SNX29: variants seen among roughly 807,000 people sequenced by gnomAD.
SNX29 encodes the protein sorting nexin 29, also known as sorting nexin-29.
Under a neutral mutation model 102.1 loss-of-function variants are expected in SNX29, and 78 were observed. That is an observed-to-expected ratio of 0.76 (90% confidence interval 0.64 to 0.92). The LOEUF (loss-of-function observed/expected upper bound fraction) is 0.92. SNX29 is among the 40% of genes least tolerant of loss of function. SNX29 has a pLI of 0.00. For synonymous variants in SNX29, 580 were observed against 414.5 expected (o/e 1.40, Z -4.85); for missense variants, 1,280 against 1,061.7 (o/e 1.21, Z -2.86).
At chr16:12,512,172 A>G (rs1451875704) in intron 19 of SNX29, among the ~76,000 whole-genome samples, 1 of 151,064 alleles carries the variant, frequency 6.6e-6, no homozygotes. Context: ...AGGCATTTGC[A>G]TTGGCCCCTA....
intron 14 of SNX29, among the ~76,000 whole-genome samples, chr16:12,274,374 G>C (rs2079181592): frequency 6.6e-6 from 1 of 152,114 alleles, no homozygotes; most frequent in Non-Finnish European, 1.5e-5. Flanking sequence ...TGTGAGTGAG[G>C]CTTGCTTTTG....
chr16:12,567,908 G>A (rs1226617423), intron 20 of SNX29, among the ~76,000 whole-genome samples: 2 of 152,080 alleles, frequency 1.3e-5, no homozygotes, highest in Admixed American at 1.3e-4. Context: ...CCATGCCCTG[G>A]GACCCACACA....
intron 4 of SNX29, among the ~76,000 whole-genome samples, chr16:12,033,228 A>G (rs1199914606): frequency 4.6e-5 from 7 of 151,796 alleles, no homozygotes; most frequent in African/African-American, 1.7e-4. Context: ...GAGAGTGATT[A>G]CCACCCCCTT....
At chr16:12,534,086 C>G (rs530520310) in intron 20 of SNX29, among the ~76,000 whole-genome samples, 12 of 152,328 alleles carry the variant, frequency 7.9e-5, no homozygotes, top group African/African-American at 1.7e-4. Flanking sequence ...GGGGATCCCA[C>G]TTGACCCCAG....
At chr16:12,413,669 C>T (rs72771562) in intron 18 of SNX29, among the ~76,000 whole-genome samples, 2 of 152,172 alleles carry the variant, frequency 1.3e-5, no homozygotes, top group South Asian at 2.1e-4. Flanking sequence ...TGTTCATCCT[C>T]TCTCCTGTTG....
intron 20 of SNX29, among the ~76,000 whole-genome samples, chr16:12,549,604 CAG>C (rs928739109): frequency 6.9e-4 from 105 of 152,196 alleles, no homozygotes; most frequent in African/African-American, 2.4e-3. Flanking sequence ...TTTTCTACTC[CAG>C]AGTCCTTGCC....
chr16:12,385,821 G>T (rs1207993594), intron 16 of SNX29, among the ~76,000 whole-genome samples: 1 of 152,214 alleles, frequency 6.6e-6, no homozygotes, highest in Non-Finnish European at 1.5e-5. Flanking sequence ...GATACAGAAA[G>T]AATTTATTGT....
At chr16:12,497,420 G>T (rs888114155) in intron 19 of SNX29, among the ~76,000 whole-genome samples, 2 of 152,202 alleles carry the variant, frequency 1.3e-5, no homozygotes, top group African/African-American at 2.4e-5. Flanking sequence ...AAATTAGGGT[G>T]TGGGAGCACA....
At chr16:12,448,966 A>C (rs1396178737) in intron 18 of SNX29, among the ~76,000 whole-genome samples, 1 of 152,190 alleles carries the variant, frequency 6.6e-6, no homozygotes, top group Non-Finnish European at 1.5e-5. Flanking sequence ...AAGCTAGGGG[A>C]AGAGTTGCTG....
chr16:12,445,834 A>G (rs939301055), intron 18 of SNX29, among the ~76,000 whole-genome samples: 9 of 152,114 alleles, frequency 5.9e-5, no homozygotes, highest in African/African-American at 1.9e-4. Flanking sequence ...CAACGCTAGG[A>G]AGAAACTCCT....
chr16:12,046,819 A>G (rs949116054), intron 6 of SNX29, among the ~76,000 whole-genome samples: 3 of 152,114 alleles, frequency 2.0e-5, no homozygotes, highest in African/African-American at 7.2e-5. Context: ...GAGTTTCACT[A>G]TGTTGGTCAG....
chr16:12,573,565 C>T lies in SNX29; in HGVS notation c.*4936C>T, dbSNP rs1179997517. ...GTGTTTTCCCATCCTAACCGGAAAACCACTCACCCAGGCTTCCCCCACTTC... is the reference window on the plus strand; with the variant it reads ...GTGTTTTCCCATCCTAACCGGAAAATCACTCACCCAGGCTTCCCCCACTTC... On this transcript the variant is annotated 3_prime_UTR_variant, in exon 21 of 21. Transcript: ENST00000566228. 4.5e-6 allele frequency: 1 copy of T among 223,328 alleles called. No individual in the cohort carries two copies. Among genetic ancestry groups the T allele is most frequent in the Non-Finnish European group, 8.9e-6 (1 of 111,882 alleles). The allele number at this position is 223,328 out of a possible 1,614,324, so 13.8% of individuals were successfully genotyped here.
chr16:12,201,895 C>T (rs1372764797), intron 14 of SNX29, among the ~76,000 whole-genome samples: 1 of 152,140 alleles, frequency 6.6e-6, no homozygotes, highest in Non-Finnish European at 1.5e-5. Context: ...AAATTTTGAA[C>T]CTAATTTGCA....
chr16:12,057,455 T>G (rs1417609252), intron 8 of SNX29, among the ~76,000 whole-genome samples: 1 of 152,090 alleles, frequency 6.6e-6, no homozygotes, highest in Non-Finnish European at 1.5e-5. Flanking sequence ...GCAGTTGAGC[T>G]GGGAGCAGTT....
chr16:12,523,164 C>T, intron 19 of SNX29, among the ~76,000 whole-genome samples: 1 of 152,304 alleles, frequency 6.6e-6, no homozygotes, highest in East Asian at 1.9e-4. Flanking sequence ...GGTGGTTTTT[C>T]TCGTTGCTGA....
At chr16:12,256,233 A>AT (rs1438712532) in intron 14 of SNX29, among the ~76,000 whole-genome samples, 5 of 152,126 alleles carry the variant, frequency 3.3e-5, no homozygotes, top group Non-Finnish European at 7.3e-5. Flanking sequence ...TTTTCCTGCT[A>AT]TTGAGTTGTT....
At chr16:12,462,048 T>TACACACACAC (rs1567588303) in intron 18 of SNX29, among the ~76,000 whole-genome samples, 3 of 116,118 alleles carry the variant, frequency 2.6e-5, no homozygotes, top group East Asian at 2.9e-4. Context: ...CACACACTCT[T>TACACACACAC]ATATATGAGA....
chr16:12,333,269 C>T (rs2081349792), intron 15 of SNX29, among the ~76,000 whole-genome samples: 2 of 151,856 alleles, frequency 1.3e-5, no homozygotes, highest in African/African-American at 4.8e-5. Flanking sequence ...CCATGCCCGG[C>T]TAATTTTTGT....
intron 15 of SNX29, among the ~76,000 whole-genome samples, chr16:12,342,139 C>CCT (rs1460845936): frequency 1.3e-5 from 2 of 152,166 alleles, no homozygotes; most frequent in Non-Finnish European, 2.9e-5. Context: ...GTGGCCTAGG[C>CCT]AGGGAAGCAT....
Sources: gnomAD v4.1 joint callset for allele counts (sites outside exome capture counted in the v4.1 genomes callset) on GRCh38, gnomAD v4.1.1 for gene constraint, MANE v1.5 for transcripts, NCBI Gene and HGNC (gene_info 2026-07-23, HGNC 2026-07-21) for gene names.